Variants in POR observed in about 807,000 individuals in gnomAD.
POR encodes NADPH--cytochrome P450 reductase.
POR carries 56 observed loss-of-function variants against 84.0 expected under a neutral mutation model. The ratio of observed to expected loss-of-function variants is 0.67; its 90% CI spans 0.54 to 0.83. The LOEUF (loss-of-function observed/expected upper bound fraction) is 0.83, where lower values mean the gene tolerates loss of function less well. Ranked by LOEUF, POR falls within the 40% of genes least tolerant of loss-of-function variation. The pLI is 0.00. For missense variants in POR, 938 were observed against 944.3 expected (o/e 0.99, Z 0.09); for synonymous variants, 414 against 400.5 (o/e 1.03, Z -0.40).
At chr7:75,952,569 G>T (rs1787488943) in intron 1 of POR, among the ~76,000 whole-genome samples, 1 of 151,664 alleles carries the variant, frequency 6.6e-6, no homozygotes, top group South Asian at 2.1e-4. Flanking sequence ...CTCAGACGGG[G>T]CGGTTGCCAG....
intron 1 of POR, among the ~76,000 whole-genome samples, chr7:75,937,286 C>T (rs1807741442): frequency 7.0e-6 from 1 of 142,750 alleles, no homozygotes; most frequent in Non-Finnish European, 1.5e-5. Flanking sequence ...GAAACCCCAT[C>T]TCTACAAAAA....
chr7:75,923,000 A>G (rs1806951288), intron 1 of POR: 2 of 673,814 alleles, frequency 3.0e-6, no homozygotes, highest in Non-Finnish European at 5.3e-6. Flanking sequence ...GAATCGCCAG[A>G]TAAACATTCC....
intron 1 of POR, among the ~76,000 whole-genome samples, chr7:75,920,168 C>T (rs1295277799): frequency 1.4e-5 from 2 of 143,640 alleles, no homozygotes; most frequent in Non-Finnish European, 3.0e-5. Flanking sequence ...CAGGTTCAAG[C>T]AATTCTTCTG....
intron 1 of POR, chr7:75,943,674 T>TA: frequency 3.4e-6 from 1 of 296,556 alleles, no homozygotes; most frequent in Non-Finnish European, 6.9e-6. Context: ...AAAATGCTCT[T>TA]ATTTGTAGTT....
intron 1 of POR, among the ~76,000 whole-genome samples, chr7:75,927,483 C>T (rs537219482): frequency 7.6e-4 from 115 of 151,642 alleles, no homozygotes; most frequent in African/African-American, 2.6e-3. Context: ...CAAAAAAAAC[C>T]CCAAAAAACA....
At chr7:75,955,804 A>C (rs1787660260) in intron 2 of POR, among the ~76,000 whole-genome samples, 1 of 152,096 alleles carries the variant, frequency 6.6e-6, no homozygotes, top group Admixed American at 6.5e-5. Context: ...CTGTCTTGGC[A>C]GGAACAAGCC....
At position 75,986,438 on chromosome 7, in the gene POR, A is replaced by C. The variant is rs782588164; in HGVS notation, c.2000A>C (p.Lys667Thr). Residue 667 changes from lysine to threonine, a missense_variant, in exon 16 of 16, where the codon AAA (lysine) becomes ACA (threonine). Transcript: ENST00000461988. Reference sequence around the variant, plus strand: ...GCGCAGGCGGTGGACTACATCAAGAAACTGATGACCAAGGGCCGCTACTCC... The same window carrying C: ...GCGCAGGCGGTGGACTACATCAAGACACTGATGACCAAGGGCCGCTACTCC... The C allele has an allele frequency of 5.6e-6, 9 of 1,612,146 alleles. No homozygotes were observed. The Admixed American group carries it at 1.5e-4, about 27-fold the overall frequency.
intron 4 of POR, 71 bp from the exon 5 acceptor site, chr7:75,980,268 C>A: frequency 6.5e-7 from 1 of 1,548,140 alleles, no homozygotes; most frequent in Non-Finnish European, 8.8e-7. Flanking sequence ...TGGCCTTCCC[C>A]ATCTGGTGCG....
intron 1 of POR, 91 bp downstream of exon 1, chr7:75,915,270 C>A (rs1806488930): frequency 6.5e-6 from 1 of 153,102 alleles, no homozygotes; most frequent in Non-Finnish European, 1.5e-5. Context: ...ACCGCGGCCG[C>A]CTGGCTCTCT....
At chr7:75,930,973 C>T (rs572390907) in intron 1 of POR, among the ~76,000 whole-genome samples, 1 of 152,224 alleles carries the variant, frequency 6.6e-6, no homozygotes, top group South Asian at 2.1e-4. Context: ...CAGGTGTGCA[C>T]CACCACACCT....
At chr7:75,918,741 T>G (rs1158990431) in intron 1 of POR, 3 of 152,042 alleles carry the variant, frequency 2.0e-5, no homozygotes, top group Non-Finnish European at 4.4e-5. Flanking sequence ...GGTGAGGCTT[T>G]TATTAGTGCT....
rs781995455 is a variant in POR at position 75,984,909 on chromosome 7, C to T, written c.1199C>T (p.Ser400Leu). Residue 400 changes from serine (S) to leucine (L), a missense_variant, in exon 11 of 16, where the codon TCG (serine) becomes TTG (leucine). Transcript: ENST00000461988. ...CTGGCGCAGTACGCCTCGGAGCCCT[C>T]GGAGCAGGAGCTGCTGCGCAAGATG... 13 of 1,610,332 alleles carry T rather than the reference C, an allele frequency of 8.1e-6. No homozygotes were observed. The highest frequency in any genetic ancestry group is 4.4e-5 in the South Asian group (4 of 90,982).
chr7:75,968,374 A>G (rs1788280904), intron 2 of POR: 1 of 424,846 alleles, frequency 2.4e-6, no homozygotes, highest in African/African-American at 2.0e-5. Flanking sequence ...TGCACGCTGC[A>G]TTTCCCTGCT....
rs886062440 is a variant in POR at position 75,982,323 on chromosome 7, G to GT, written c.830+2dup. 50 of 1,609,350 alleles carry GT rather than the reference G, an allele frequency of 3.1e-5. No individual in the cohort carries two copies. Among genetic ancestry groups the GT allele is most frequent in the Non-Finnish European group, 3.9e-5 (46 of 1,177,978 alleles). Reference sequence around the variant, plus strand: ...TGAAGAGCTACGAGAACCAGAAGCCGTGAGTGGAGGGAGCGTGGCTTGGGG... The same window carrying GT: ...TGAAGAGCTACGAGAACCAGAAGCCGTTGAGTGGAGGGAGCGTGGCTTGGGG... On this transcript the variant is annotated splice_donor_variant, in intron 8 of 15. Transcript: ENST00000461988. LOFTEE classifies it high-confidence loss of function.
At chr7:75,970,259 G>A (rs781825742) in intron 2 of POR, among the ~76,000 whole-genome samples, 10 of 151,914 alleles carry the variant, frequency 6.6e-5, no homozygotes, top group Non-Finnish European at 1.3e-4. Flanking sequence ...TCAATCAGTC[G>A]GGCCCCACAT....
At chr7:75,926,688 G>A (rs1169695489) in intron 1 of POR, among the ~76,000 whole-genome samples, 1 of 152,180 alleles carries the variant, frequency 6.6e-6, no homozygotes, top group Admixed American at 6.5e-5. Context: ...CAGCTACTTG[G>A]GAGGCTGAGG....
chr7:75,982,002 G>T (rs943253333), intron 7 of POR: 2 of 580,346 alleles, frequency 3.4e-6, no homozygotes, highest in African/African-American at 3.7e-5. Context: ...GCCCTGCCCC[G>T]GCTTCTGGGC....
At chr7:75,923,172 T>G (rs557629845) in intron 1 of POR, 1 of 1,128,178 alleles carries the variant, frequency 8.9e-7, no homozygotes, top group Non-Finnish European at 1.3e-6. Context: ...TTTTGAAACG[T>G]AGACAAGCCA....
At chr7:75,965,787 T>A (rs1236691433) in intron 2 of POR, among the ~76,000 whole-genome samples, 1 of 152,142 alleles carries the variant, frequency 6.6e-6, no homozygotes. Flanking sequence ...GGAGTCCTGA[T>A]GTGAACACGT....
Sources: gnomAD v4.1 joint callset for allele counts (sites outside exome capture counted in the v4.1 genomes callset) on GRCh38, gnomAD v4.1.1 for gene constraint, MANE v1.5 for transcripts, NCBI Gene and HGNC (gene_info 2026-07-23, HGNC 2026-07-21) for gene names.